Variants in ITPK1 observed in about 807,000 individuals in gnomAD.
ITPK1 encodes the protein inositol 1,3,4-trisphosphate 5/6-kinase.
ITPK1 carries 21 observed loss-of-function variants against 45.3 expected under a neutral mutation model. The ratio of observed to expected loss-of-function variants is 0.46; its 90% confidence interval spans 0.33 to 0.67. ITPK1 has a LOEUF of 0.67. ITPK1 is among the 30% of genes least tolerant of loss of function. The pLI, the probability that ITPK1 is intolerant of heterozygous loss-of-function variation, is 0.02. For synonymous variants in ITPK1, 258 were observed against 253.6 expected (o/e 1.02, Z -0.16); for missense variants, 474 against 573.5 (o/e 0.83, Z 1.77).
chr14:92,960,684 G>A (rs1885025335), intron 7 of ITPK1, among the ~76,000 whole-genome samples: 1 of 152,228 alleles, frequency 6.6e-6, no homozygotes, highest in African/African-American at 2.4e-5. Flanking sequence ...CTTCCATCTG[G>A]GAACACCCAA....
At chr14:93,022,338 G>A (rs1414840966) in intron 3 of ITPK1, among the ~76,000 whole-genome samples, 7 of 152,132 alleles carry the variant, frequency 4.6e-5, no homozygotes, top group Non-Finnish European at 5.9e-5. Flanking sequence ...GTGTGAAAAC[G>A]GGGTGCTGGC....
Position 93,076,634 on chromosome 14 carries a change from A to C in ITPK1, c.96-15T>G. On this transcript the variant is annotated splice_polypyrimidine_tract_variant and intron_variant, in intron 2 of 10. Coordinates refer to ENST00000267615, the MANE Select transcript of ITPK1 (RefSeq NM_014216.6). This position sits in a 1 kb window ranked among gnomAD's most constrained non-coding sequence, Gnocchi z 4.3. Reference sequence around the variant, plus strand: ...TCCCTCGCTTCCTGTGGAGAAAAACAAAGAAAACAAGCGTTACTCCAGCAG... The same window carrying C: ...TCCCTCGCTTCCTGTGGAGAAAAACCAAGAAAACAAGCGTTACTCCAGCAG... 6.2e-7 allele frequency: 1 copy of C among 1,614,132 alleles called. No homozygotes were observed. Among genetic ancestry groups the C allele is most frequent in the Non-Finnish European group, 8.5e-7 (1 of 1,179,996 alleles).
intron 2 of ITPK1, among the ~76,000 whole-genome samples, chr14:93,085,113 T>C (rs548004436): frequency 6.6e-6 from 1 of 152,386 alleles, no homozygotes; most frequent in Non-Finnish European, 1.5e-5. Flanking sequence ...TGCGGCATCT[T>C]GGTTTACTTG....
At chr14:92,968,379 A>G (rs1164846783) in intron 5 of ITPK1, among the ~76,000 whole-genome samples, 1 of 152,160 alleles carries the variant, frequency 6.6e-6, no homozygotes, top group African/African-American at 2.4e-5. Context: ...GTATCAATAC[A>G]TTAAGGGGAA....
At chr14:93,080,262 G>A (rs1891384508) in intron 2 of ITPK1, among the ~76,000 whole-genome samples, 1 of 152,178 alleles carries the variant, frequency 6.6e-6, no homozygotes, top group Admixed American at 6.5e-5. Flanking sequence ...TCATGGCAGG[G>A]CCCCTGGTCA....
At chr14:93,081,105 C>G (rs1051723733) in intron 2 of ITPK1, among the ~76,000 whole-genome samples, 4 of 151,400 alleles carry the variant, frequency 2.6e-5, no homozygotes, top group Non-Finnish European at 5.9e-5. Context: ...CGAGGTGGGC[C>G]TCCCAAATCA....
intron 4 of ITPK1, among the ~76,000 whole-genome samples, chr14:93,008,389 T>G (rs897737039): frequency 1.6e-5 from 2 of 122,246 alleles, no homozygotes; most frequent in East Asian, 5.5e-4. Flanking sequence ...TAATGTCTTT[T>G]AGGAGAACTC....
intron 2 of ITPK1, among the ~76,000 whole-genome samples, chr14:93,114,044 G>T (rs1481839970): frequency 6.6e-6 from 1 of 152,194 alleles, no homozygotes; most frequent in Non-Finnish European, 1.5e-5. Context: ...GATGTGTGGG[G>T]CCCCCACAGG....
In ITPK1 at chr14:92,940,146, A is replaced by G; in HGVS notation, c.*1415T>C. 1 of 985,786 alleles carries G rather than the reference A, an allele frequency of 1.0e-6. No individual in the cohort carries two copies. The highest frequency in any genetic ancestry group is 1.2e-6 in the Non-Finnish European group (1 of 830,086). 61.1% of individuals were successfully genotyped at this position (985,786 alleles called of 1,614,324 possible). A position where few individuals can be genotyped will look rare whatever the true frequency, so the allele number is the denominator to read the frequency against. On this transcript the variant is annotated 3_prime_UTR_variant, in exon 11 of 11. Coordinates refer to ENST00000267615, the MANE Select transcript of ITPK1 (RefSeq NM_014216.6). ...GAGCCAGGCCGAAGGACCTCCATGC[A>G]CTGGCTCGGGGGCCTCTCTCGGGAC...
intron 4 of ITPK1, among the ~76,000 whole-genome samples, chr14:93,007,106 T>C (rs984657008): frequency 6.6e-6 from 1 of 152,152 alleles, no homozygotes; most frequent in Admixed American, 6.5e-5. Flanking sequence ...CTGTCACAGC[T>C]ACCAGCTGAA....
chr14:93,031,663 C>G (rs1183826406), intron 3 of ITPK1, among the ~76,000 whole-genome samples: 7 of 152,146 alleles, frequency 4.6e-5, no homozygotes, highest in Admixed American at 3.9e-4. Flanking sequence ...TGGTCTGGCT[C>G]CAAGAGGTGG....
At chr14:93,094,996 G>A (rs955642269) in intron 2 of ITPK1, among the ~76,000 whole-genome samples, 2 of 152,220 alleles carry the variant, frequency 1.3e-5, no homozygotes, top group East Asian at 3.8e-4. Context: ...CCTCTCAAGG[G>A]TCACCACCTG....
Position 92,958,488 on chromosome 14 carries a change from G to A in ITPK1, c.505-122C>T, listed in dbSNP as rs543773110. ...GCCCATCCCTGGTCCTGTGGCATGA[G>A]GACTCCCCTAGAGGAGCCTTGAGCC... On this transcript the variant is annotated intron_variant, in intron 7 of 10. Coordinates refer to ENST00000267615, the MANE Select transcript of ITPK1 (RefSeq NM_014216.6). The surrounding 1 kb of genome is among the most constrained non-coding windows in gnomAD (Gnocchi z 4.4). 8.5e-5 allele frequency: 78 copies of A among 921,364 alleles called. No individual in the cohort carries two copies. Among genetic ancestry groups the A allele is most frequent in the African/African-American group, 7.7e-4 (47 of 60,870 alleles). 57.1% of individuals were successfully genotyped at this position (921,364 alleles called of 1,614,324 possible).
chr14:93,030,770 C>G (rs754095680), intron 3 of ITPK1, among the ~76,000 whole-genome samples: 1 of 152,150 alleles, frequency 6.6e-6, no homozygotes, highest in African/African-American at 2.4e-5. Flanking sequence ...CAGAACGTGA[C>G]CTGGTTAGGA....
At chr14:93,035,298 G>A (rs937064466) in intron 3 of ITPK1, among the ~76,000 whole-genome samples, 3 of 152,242 alleles carry the variant, frequency 2.0e-5, no homozygotes, top group Admixed American at 6.5e-5. Flanking sequence ...AAAATAAAAT[G>A]GAGGCTCTTC....
intron 8 of ITPK1, among the ~76,000 whole-genome samples, chr14:92,954,653 T>C (rs1888110007): frequency 6.6e-6 from 1 of 152,222 alleles, no homozygotes; most frequent in Non-Finnish European, 1.5e-5. Context: ...GAAGAATAAA[T>C]GATAAGATTA....
In ITPK1 at chr14:92,940,626, G is replaced by T; in HGVS notation, c.*935C>A. The T allele has an allele frequency of 8.2e-7, 1 of 1,224,892 alleles. No homozygotes were observed. Among genetic ancestry groups the T allele is most frequent in the Non-Finnish European group, 1.0e-6 (1 of 957,690 alleles). The allele number at this position is 1,224,892 out of a possible 1,614,324, so 75.9% of individuals were successfully genotyped here. ...GGCTCCCGCGCCTATCCTCACCTAG[G>T]TGACTTTATGGAAAGGCAGGCTGCA... On this transcript the variant is annotated 3_prime_UTR_variant, in exon 11 of 11. Transcript: ENST00000267615.
intron 3 of ITPK1, among the ~76,000 whole-genome samples, chr14:93,050,780 G>A (rs1001767815): frequency 2.0e-5 from 3 of 152,002 alleles, no homozygotes; most frequent in Admixed American, 6.6e-5. Context: ...CTGACCTACC[G>A]AGACCTCCAG....
At chr14:93,101,879 C>A (rs1275591848) in intron 2 of ITPK1, among the ~76,000 whole-genome samples, 1 of 152,160 alleles carries the variant, frequency 6.6e-6, no homozygotes, top group African/African-American at 2.4e-5. Flanking sequence ...AAGTCACTTA[C>A]CCTCTCTGAG....
Sources: allele counts gnomAD v4.1 joint callset (sites outside exome capture counted in the v4.1 genomes callset), GRCh38; gene constraint gnomAD v4.1.1; non-coding constraint Gnocchi (gnomAD v3.1); transcripts MANE v1.5; gene names NCBI Gene and HGNC (gene_info 2026-07-23, HGNC 2026-07-21).